The following SZT2 variants were observed in gnomAD, a reference collection of about 807,000 sequenced individuals.
SZT2 encodes the protein SZT2 subunit of KICSTOR complex, also known as KICSTOR complex protein SZT2.
SZT2 carries 216 observed loss-of-function variants against 404.2 expected under a neutral mutation model. The observed-to-expected ratio is 0.53, with a 90% CI of 0.48 to 0.60. SZT2 has a LOEUF of 0.60. Ranked by LOEUF, SZT2 falls within the 20% of genes least tolerant of loss-of-function variation. The pLI is 0.00. For missense variants in SZT2, 3,857 were observed against 4,459.2 expected (o/e 0.86, Z 3.85); for synonymous variants, 1,693 against 1,749.9 (o/e 0.97, Z 0.81).
In SZT2 at chr1:43,454,170, AT is replaced by A; in HGVS notation, c.*3692del. 2.8e-6 allele frequency: 1 copy of A among 351,648 alleles called. No homozygotes were observed. Among genetic ancestry groups the A allele is most frequent in the Non-Finnish European group, 4.1e-6 (1 of 243,944 alleles). 21.8% of individuals were successfully genotyped at this position (351,648 alleles called of 1,614,324 possible). ...ACTTTAATACTGAGTCTTTCCTCTG[AT>A]TATAAAAATGCTATCTGTTCGTTAA... is the stretch of plus-strand genomic sequence containing the variant. On this transcript the variant is annotated 3_prime_UTR_variant, in exon 72 of 72. Coordinates refer to ENST00000634258, the MANE Select transcript of SZT2 (RefSeq NM_001365999.1).
rs765591252 is a variant in SZT2, at chr1:43,428,415, T to C, written c.4095T>C (p.Pro1365=). 12 of 1,614,050 alleles carry C rather than the reference T, an allele frequency of 7.4e-6. No individual in the cohort carries two copies. The highest frequency in any genetic ancestry group is 6.8e-6 in the Non-Finnish European group (8 of 1,180,034). The change falls in exon 28 of 72, where the codon CCT becomes CCC. Residue 1365 remains proline, a synonymous_variant. Coordinates refer to ENST00000634258, the MANE Select transcript of SZT2 (RefSeq NM_001365999.1). Reference sequence around the variant, plus strand: ...CCCCAAGTCCTGGTCCTCTCAGCCCTGGGCCCTTCAGCAGCAGCATGGAGG... The same window carrying C: ...CCCCAAGTCCTGGTCCTCTCAGCCCCGGGCCCTTCAGCAGCAGCATGGAGG... The part of the protein sequence containing the change: ...HAPPSPGPLS[P]GPFSSSMEEG...
rs751983051 is a variant in SZT2, at chr1:43,416,009, G to C, written c.680G>C (p.Gly227Ala). 17 of 1,598,158 alleles carry C rather than the reference G, an allele frequency of 1.1e-5. No homozygotes were observed. Among genetic ancestry groups the C allele is most frequent in the Admixed American group, 1.7e-5 (1 of 59,982 alleles). The change falls in exon 6 of 72, where the codon GGC becomes GCC. Residue 227 changes from glycine (G) to alanine (A), a missense_variant. This residue lies in a region of SZT2 where 536 missense variants were observed against 637.4 expected (regional missense o/e 0.84). Coordinates refer to ENST00000634258, the MANE Select transcript of SZT2 (RefSeq NM_001365999.1). ...DSGDLLGRKVGVSMVTADLGL... is the reference protein window; with the variant it reads ...DSGDLLGRKVAVSMVTADLGL... ...GGGGACCTACTGGGCCGGAAGGTAGGCGTCTCCATGGTGACAGCTGATCTT... is the reference window on the plus strand; with the variant it reads ...GGGGACCTACTGGGCCGGAAGGTAGCCGTCTCCATGGTGACAGCTGATCTT...
chr1:43,436,728 A>T lies in SZT2; in HGVS notation c.6035-443A>T, dbSNP rs927142505. 2.4e-5 allele frequency: 4 copies of T among 168,808 alleles called. No homozygotes were observed. In the South Asian group the frequency reaches 6.3e-4, roughly 27 times the overall value. The allele number at this position is 168,808 out of a possible 1,614,324, so 10.5% of individuals were successfully genotyped here. A position where few individuals can be genotyped will look rare whatever the true frequency, so the allele number is the denominator to read the frequency against. ...GGGTTTATTGGCGTTTCTGTCTTCC[A>T]AAGCCCAGGACAAAGTTTATCCCTC... On this transcript the variant is annotated intron_variant, in intron 42 of 71. Transcript: ENST00000634258.
Position 43,427,571 on chromosome 1 carries a change from C to T in SZT2, c.3640C>T (p.Arg1214Ter), listed in dbSNP as rs761810492. The T allele has an allele frequency of 4.3e-6, 7 of 1,614,076 alleles. No individual in the cohort carries two copies. Among genetic ancestry groups the T allele is most frequent in the African/African-American group, 1.3e-5 (1 of 74,922 alleles). Residue 1214 changes from arginine to a stop codon, truncating the protein, a stop_gained, in exon 26 of 72, where the codon CGA becomes TGA. Coordinates refer to ENST00000634258, the MANE Select transcript of SZT2 (RefSeq NM_001365999.1). LOFTEE classifies it high-confidence loss of function. ...NQGELSPPFR[R>*]DLQAYAGRQA... ...AGGAGAGCTAAGTCCACCATTCCGT[C>T]GAGACTTACAGGCTTACGCTGGGCG...
At chr1:43,403,348 A>G (rs1210507190) in intron 2 of SZT2, 46 bp downstream of exon 2, 2 of 1,589,012 alleles carry the variant, frequency 1.3e-6, no homozygotes, top group Admixed American at 1.8e-5. Flanking sequence ...GCCCAGAAGG[A>G]TCTGTTTTTT....
intron 62 of SZT2, chr1:43,445,579 A>G (rs1012401827): frequency 1.5e-5 from 6 of 408,426 alleles, no homozygotes; most frequent in African/African-American, 1.0e-4. Flanking sequence ...TTCCTAATCA[A>G]ATTGTAGACA....
At position 43,430,382 on chromosome 1, in the gene SZT2, A is replaced by AG; in HGVS notation, c.4474dup (p.Glu1492GlyfsTer13). ...AGTTTTCAGAGGCTGAGCTTATGGG[A>AG]GAAGAAGGTATGTGGGCAAGTGAGT... is the stretch of plus-strand genomic sequence containing the variant. On this transcript the variant is annotated frameshift_variant, in exon 31 of 72. Transcript: ENST00000634258. LOFTEE classifies it high-confidence loss of function. 6.2e-7 allele frequency: 1 copy of AG among 1,608,048 alleles called. No individual in the cohort carries two copies. Among genetic ancestry groups the AG allele is most frequent in the Non-Finnish European group, 8.5e-7 (1 of 1,177,584 alleles).
chr1:43,453,060 G>A lies in SZT2; in HGVS notation c.*2580G>A. On this transcript the variant is annotated 3_prime_UTR_variant, in exon 72 of 72. Coordinates refer to ENST00000634258, the MANE Select transcript of SZT2 (RefSeq NM_001365999.1). ...AAGCAGCTTTCTCTGATCCAGACAG[G>A]GTTAGGTGCCTACCCTGCTCCCACA... is the stretch of plus-strand genomic sequence containing the variant. The A allele has an allele frequency of 9.2e-7, 1 of 1,086,498 alleles. No individual in the cohort carries two copies. Among genetic ancestry groups the A allele is most frequent in the East Asian group, 2.5e-5 (1 of 39,570 alleles). 67.3% of individuals were successfully genotyped at this position (1,086,498 alleles called of 1,614,324 possible). A position where few individuals can be genotyped will look rare whatever the true frequency, so the allele number is the denominator to read the frequency against.
At chr1:43,445,737 G>T in intron 62 of SZT2, 157 bp from the exon 63 acceptor site, 1 of 734,258 alleles carries the variant, frequency 1.4e-6, no homozygotes, top group Non-Finnish European at 2.4e-6. Context: ...GTCTAGACCT[G>T]GACTCCAAGC....
chr1:43,434,024 G>A (rs1654204081), intron 40 of SZT2, among the ~76,000 whole-genome samples: 1 of 152,172 alleles, frequency 6.6e-6, no homozygotes, highest in Admixed American at 6.5e-5. Context: ...CGGGTGGGTG[G>A]CATATGCAGG....
chr1:43,427,653 T>C lies in SZT2; in HGVS notation c.3722T>C (p.Ile1241Thr), dbSNP rs145760361. The change falls in exon 26 of 72, where the codon ATC becomes ACC. Residue 1241 changes from isoleucine to threonine, a missense_variant. Transcript: ENST00000634258. ...DGPRTRCPVY[I>T]YSCSLEALRE... The stretch of plus-strand genomic sequence containing the variant: ...CCCCGGACCCGGTGTCCTGTCTACA[T>C]CTACAGCTGTTCACTGGAAGCGCTG... The C allele has an allele frequency of 1.9e-6, 3 of 1,614,198 alleles. No homozygotes were observed. Among genetic ancestry groups the C allele is most frequent in the Non-Finnish European group, 1.7e-6 (2 of 1,180,042 alleles).
In SZT2 at chr1:43,419,882, G is replaced by A. The variant is rs1302507808; in HGVS notation, c.1028G>A (p.Arg343Gln). The A allele has an allele frequency of 1.1e-5, 17 of 1,598,276 alleles. No homozygotes were observed. Among genetic ancestry groups the A allele is most frequent in the Admixed American group, 3.3e-5 (2 of 59,988 alleles). ...PGNLGLTVYH[R>Q]AFLLYSFLRS... ...AACCTGGGTCTGACTGTCTACCACC[G>A]GGCATTTCTCCTCTATTCCTTCCTG... Residue 343 changes from arginine (R) to glutamine (Q), a missense_variant, in exon 8 of 72, where the codon CGG (arginine) becomes CAG (glutamine). By Grantham distance (43) the Arg-to-Gln change is conservative. This residue lies in a region of SZT2 where 536 missense variants were observed against 637.4 expected (regional missense o/e 0.84). Transcript: ENST00000634258.
At chr1:43,449,535 T>G in intron 70 of SZT2, 1 of 161,436 alleles carries the variant, frequency 6.2e-6, no homozygotes, top group Admixed American at 5.8e-5. Context: ...AGGAGTGGGT[T>G]TTGGGGAAGG....
At position 43,442,722 on chromosome 1, in the gene SZT2, G is replaced by A; in HGVS notation, c.8152-97G>A. The A allele has an allele frequency of 6.5e-7, 1 of 1,535,656 alleles. No individual in the cohort carries two copies. The highest frequency in any genetic ancestry group is 8.7e-7 in the Non-Finnish European group (1 of 1,143,678). ...AAGATGGGACAGACTGAGGGCAGAG[G>A]TAGTGGGGAGGGAGAGTCTGAGAGA... On this transcript the variant is annotated intron_variant, in intron 58 of 71. Transcript: ENST00000634258. The surrounding 1 kb of genome is among the most constrained non-coding windows in gnomAD (Gnocchi z 4.5).
In SZT2 at chr1:43,441,514, A is replaced by G. The variant is rs746422777; in HGVS notation, c.7522A>G (p.Thr2508Ala). The G allele has an allele frequency of 1.9e-6, 3 of 1,613,958 alleles. No homozygotes were observed. Among genetic ancestry groups the G allele is most frequent in the South Asian group, 1.1e-5 (1 of 91,026 alleles). ...SGAQRQKRRT[T>A]QLEEGEVGTL... ...TCCCACTGTCTTCAGGCGCCGGACA[A>G]CACAGCTAGAAGAGGGTGAGGTGGG... The change falls in exon 54 of 72, where the codon ACA (threonine) becomes GCA (alanine). Residue 2508 changes from threonine to alanine, a missense_variant. Thr to Ala is a moderately conservative substitution (Grantham distance 58). Coordinates refer to ENST00000634258, the MANE Select transcript of SZT2 (RefSeq NM_001365999.1). This position sits in a 1 kb window ranked among gnomAD's most constrained non-coding sequence, Gnocchi z 4.8.
In SZT2 at chr1:43,453,866, G is replaced by T. The variant is rs1656752942; in HGVS notation, c.*3386G>T. ...GGGCGGCGGGCGGCGGGCGGCGGGC[G>T]GGGGCGGGGCTCTCCTTGCTGGCCC... On this transcript the variant is annotated 3_prime_UTR_variant, in exon 72 of 72. Transcript: ENST00000634258. The T allele has an allele frequency of 8.1e-7, 1 of 1,228,862 alleles. No homozygotes were observed. The highest frequency in any genetic ancestry group is 1.0e-6 in the Non-Finnish European group (1 of 986,914). 76.1% of individuals were successfully genotyped at this position (1,228,862 alleles called of 1,614,324 possible).
intron 11 of SZT2, among the ~76,000 whole-genome samples, chr1:43,421,734 T>C (rs1171587558): frequency 6.6e-6 from 1 of 152,228 alleles, no homozygotes; most frequent in Non-Finnish European, 1.5e-5. Flanking sequence ...GCTGTCAGCC[T>C]AACACTGATG....
chr1:43,426,861 C>T lies in SZT2; in HGVS notation c.3309+52C>T. 6.3e-7 allele frequency: 1 copy of T among 1,585,418 alleles called. No individual in the cohort carries two copies. The highest frequency in any genetic ancestry group is 8.6e-7 in the Non-Finnish European group (1 of 1,157,018). ...CCTTGTCACACTGACCTCCTTCCAGCACCACATCTTCAGGCCCCAACCTTC... is the reference window on the plus strand; with the variant it reads ...CCTTGTCACACTGACCTCCTTCCAGTACCACATCTTCAGGCCCCAACCTTC... On this transcript the variant is annotated intron_variant, in intron 23 of 71. Transcript: ENST00000634258. The surrounding 1 kb of genome is among the most constrained non-coding windows in gnomAD (Gnocchi z 4.9).
chr1:43,436,477 A>G (rs534761761), intron 42 of SZT2: 1 of 152,338 alleles, frequency 6.6e-6, no homozygotes, highest in East Asian at 1.9e-4. Flanking sequence ...TCTCTCCAGA[A>G]TTTTTCCCTG....
Sources: gnomAD v4.1 joint callset for allele counts (sites outside exome capture counted in the v4.1 genomes callset) on GRCh38, gnomAD v4.1.1 for gene constraint, gnomAD v4.1.1 regional missense constraint, Gnocchi (gnomAD v3.1) non-coding constraint, MANE v1.5 for transcripts, NCBI Gene and HGNC (gene_info 2026-07-23, HGNC 2026-07-21) for gene names.